Variants in TSPAN2 observed in about 807,000 individuals in gnomAD.
TSPAN2 encodes the protein tetraspanin-2.
TSPAN2 carries 24 observed loss-of-function variants against 33.3 expected under a neutral mutation model. That is an observed-to-expected ratio of 0.72 (90% CI 0.52 to 1.01). TSPAN2 has a LOEUF of 1.01. Among genes scored for constraint, TSPAN2 ranks in the 50% least tolerant of loss-of-function variants. TSPAN2 has a pLI of 0.00. For missense variants in TSPAN2, 278 were observed against 281.3 expected (o/e 0.99, Z 0.08); for synonymous variants, 114 against 104.5 (o/e 1.09, Z -0.56).
At chr1:115,063,796 A>G (rs1570971495) in intron 2 of TSPAN2, among the ~76,000 whole-genome samples, 1 of 152,336 alleles carries the variant, frequency 6.6e-6, no homozygotes, top group East Asian at 1.9e-4. Context: ...TAAGCAAACT[A>G]TCACAGGAAC....
intron 1 of TSPAN2, among the ~76,000 whole-genome samples, chr1:115,076,053 A>AT (rs1648398094): frequency 1.3e-5 from 2 of 152,192 alleles, no homozygotes; most frequent in Non-Finnish European, 1.5e-5. Context: ...GTGCACTATA[A>AT]TGCAGGAAGT....
At position 115,082,554 on chromosome 1, in the gene TSPAN2, C is replaced by T. The variant is rs140931312; in HGVS notation, c.69+6810G>A. Among the ~76,000 whole-genome samples, 548 of 152,332 alleles carry T rather than the reference C, an allele frequency of 3.6e-3. 3 individuals carry two copies. The highest frequency in any genetic ancestry group is 0.013 in the African/African-American group (521 of 41,582). On this transcript the variant is annotated intron_variant, in intron 1 of 7. Coordinates refer to ENST00000369516, the MANE Select transcript of TSPAN2 (RefSeq NM_005725.6). Reference sequence around the variant, plus strand: ...GTGCTTACTATTCTTCAAGTTTTTGCTCCTGAAATTAACTTTTTAAACTGT... The same window carrying T: ...GTGCTTACTATTCTTCAAGTTTTTGTTCCTGAAATTAACTTTTTAAACTGT...
Position 115,062,288 on chromosome 1 carries a change from C to A in TSPAN2, c.173-56G>T. On this transcript the variant is annotated intron_variant, in intron 2 of 7. Transcript: ENST00000369516. ...AGAGCCAACCGAGTGCCTCCACGAC[C>A]AACTAGGCTTAAGACTCTGGGCACT... 3.6e-6 allele frequency: 5 copies of A among 1,381,714 alleles called. No individual in the cohort carries two copies. In the South Asian group the frequency reaches 5.0e-5, roughly 14 times the overall value. The allele number at this position is 1,381,714 out of a possible 1,614,324, so 85.6% of individuals were successfully genotyped here.
At chr1:115,055,585 G>C (rs368015868) in intron 6 of TSPAN2, among the ~76,000 whole-genome samples, 1 of 151,782 alleles carries the variant, frequency 6.6e-6, no homozygotes, top group Admixed American at 6.6e-5. Context: ...GTGCAGTGGC[G>C]CGATCTCGGC....
rs1208132131 is a variant in TSPAN2 at position 115,060,493 on chromosome 1, CA to C, written c.315del (p.Gly106GlufsTer6). 30 of 1,613,412 alleles carry C rather than the reference CA, an allele frequency of 1.9e-5. No individual in the cohort carries two copies. Among genetic ancestry groups the C allele is most frequent in the Non-Finnish European group, 2.5e-5 (29 of 1,179,724 alleles). On this transcript the variant is annotated frameshift_variant, in exon 4 of 8. Transcript: ENST00000369516. LOFTEE classifies it high-confidence loss of function. ...CCCTTGCCTATAAAAGCAAATACTC[CA>C]GTGGTTACTTCAGCAGCAAATATCA... ...LLVIFAAEVT[T>X]GVFAFIGKGV...
intron 2 of TSPAN2, among the ~76,000 whole-genome samples, chr1:115,064,525 TG>T (rs1425033806): frequency 7.2e-5 from 11 of 152,244 alleles, no homozygotes; most frequent in Non-Finnish European, 1.0e-4. Context: ...TTTTCCATTT[TG>T]TGCTTTTGCA....
rs1647263163 is a variant in TSPAN2 at position 115,053,444 on chromosome 1, C to T, written c.535G>A (p.Glu179Lys). 2 of 1,613,722 alleles carry T rather than the reference C, an allele frequency of 1.2e-6. No homozygotes were observed. The highest frequency in any genetic ancestry group is 2.2e-5 in the East Asian group (1 of 44,856). Reference protein sequence around the residue: ...LGHKNCIDEIETIISVKLQLI... With the variant: ...LGHKNCIDEIKTIISVKLQLI... ...TGGAGCTTAACACTGATTATGGTCT[C>T]AATTTCATCGATGCAATTCTGTTTT... The change falls in exon 7 of 8, where the codon GAG (glutamate) becomes AAG (lysine). Residue 179 changes from glutamate to lysine, a missense_variant. Coordinates refer to ENST00000369516, the MANE Select transcript of TSPAN2 (RefSeq NM_005725.6).
chr1:115,062,095 C>T lies in TSPAN2; in HGVS notation c.270+40G>A, dbSNP rs376642247. 4.7e-6 allele frequency: 7 copies of T among 1,474,516 alleles called. No homozygotes were observed. In the East Asian group the frequency reaches 7.4e-5, roughly 16 times the overall value. 91.3% of individuals were successfully genotyped at this position (1,474,516 alleles called of 1,614,324 possible). On this transcript the variant is annotated intron_variant, in intron 3 of 7. Transcript: ENST00000369516. ...ACTCCCTTCAGATGCAGGCCGCTCC[C>T]TCACCCCCACCCCACCATTTACCCC... is the stretch of plus-strand genomic sequence containing the variant.
chr1:115,085,706 G>T (rs968075660), intron 1 of TSPAN2, among the ~76,000 whole-genome samples: 2 of 152,082 alleles, frequency 1.3e-5, no homozygotes, highest in African/African-American at 4.8e-5. Flanking sequence ...GGCTTTTCTG[G>T]AATCAGGTTC....
chr1:115,089,485 G>A lies in TSPAN2; in HGVS notation c.-53C>T. Reference sequence around the variant, plus strand: ...TCCCCAGGCCCGCGCTACGAGCGCGGGGAGCGGCAGGCTCCGGCGGGGAGG... The same window carrying A: ...TCCCCAGGCCCGCGCTACGAGCGCGAGGAGCGGCAGGCTCCGGCGGGGAGG... On this transcript the variant is annotated 5_prime_UTR_variant, in exon 1 of 8. Coordinates refer to ENST00000369516, the MANE Select transcript of TSPAN2 (RefSeq NM_005725.6). The A allele has an allele frequency of 1.5e-6, 2 of 1,340,090 alleles. No individual in the cohort carries two copies. Among genetic ancestry groups the A allele is most frequent in the Non-Finnish European group, 1.9e-6 (2 of 1,033,204 alleles). 83.0% of individuals were successfully genotyped at this position (1,340,090 alleles called of 1,614,324 possible).
intron 2 of TSPAN2, among the ~76,000 whole-genome samples, chr1:115,065,198 G>A (rs192260221): frequency 9.2e-5 from 14 of 152,310 alleles, no homozygotes; most frequent in Admixed American, 5.9e-4. Flanking sequence ...CAAGAGGAAA[G>A]GTTCCCTGGG....
chr1:115,062,520 A>G (rs979696320), intron 2 of TSPAN2, among the ~76,000 whole-genome samples: 1 of 152,220 alleles, frequency 6.6e-6, no homozygotes, highest in African/African-American at 2.4e-5. Context: ...GGCAGCCATC[A>G]TTCAGGTGGG....
intron 1 of TSPAN2, among the ~76,000 whole-genome samples, chr1:115,073,728 C>T (rs913157981): frequency 6.6e-6 from 1 of 151,862 alleles, no homozygotes; most frequent in African/African-American, 2.4e-5. Context: ...AAAGCGTGGT[C>T]TGTGTGCTGT....
intron 2 of TSPAN2, among the ~76,000 whole-genome samples, chr1:115,069,474 A>G (rs937658764): frequency 6.6e-5 from 10 of 152,202 alleles, no homozygotes; most frequent in African/African-American, 2.4e-4. Flanking sequence ...AGCATGTTCT[A>G]CTTCTGGAGT....
intron 1 of TSPAN2, among the ~76,000 whole-genome samples, chr1:115,075,660 A>G (rs1451557324): frequency 1.3e-5 from 2 of 152,152 alleles, no homozygotes. Flanking sequence ...CCTGTATTCC[A>G]TAGAGCTGGA....
At chr1:115,073,813 G>A (rs1262174264) in intron 1 of TSPAN2, among the ~76,000 whole-genome samples, 5 of 151,950 alleles carry the variant, frequency 3.3e-5, no homozygotes, top group Non-Finnish European at 7.4e-5. Flanking sequence ...GTCATCACCC[G>A]GCTTCCTTTC....
chr1:115,072,993 G>A lies in TSPAN2; in HGVS notation c.84C>T (p.Ala28=), dbSNP rs756437391. 9 of 1,614,028 alleles carry A rather than the reference G, an allele frequency of 5.6e-6. No homozygotes were observed. Among genetic ancestry groups the A allele is most frequent in the Middle Eastern group, 1.6e-4 (1 of 6,084 alleles). Residue 28 remains alanine, a synonymous_variant, in exon 2 of 8, where the codon GCC becomes GCT. Transcript: ENST00000369516. ...GAAACCATAGTCCAAAAGCAATGAC[G>A]GCCGATCCAGCCAGCTGGAAGGCAA... ...FNLLFWLAGS[A]VIAFGLWFRF... is the part of the protein sequence containing the mutation.
chr1:115,069,831 G>A (rs1331462643), intron 2 of TSPAN2, among the ~76,000 whole-genome samples: 1 of 152,186 alleles, frequency 6.6e-6, no homozygotes. Context: ...AGGAATGTGG[G>A]TGTAGAGCCA....
intron 6 of TSPAN2, among the ~76,000 whole-genome samples, chr1:115,054,113 A>G (rs1263847003): frequency 6.6e-6 from 1 of 152,130 alleles, no homozygotes; most frequent in Non-Finnish European, 1.5e-5. Flanking sequence ...GGAAACTTAG[A>G]CAGAAAGCCA....
Sources: allele counts gnomAD v4.1 joint callset (sites outside exome capture counted in the v4.1 genomes callset), GRCh38; gene constraint gnomAD v4.1.1; transcripts MANE v1.5; gene names NCBI Gene and HGNC (gene_info 2026-07-23, HGNC 2026-07-21).